Variants in OXSR1 observed in about 807,000 individuals in gnomAD.
The protein encoded by OXSR1 is oxidative stress responsive kinase 1, also known as serine/threonine-protein kinase OSR1.
A neutral mutation model predicts 79.8 loss-of-function variants in OXSR1; 24 were observed. The observed-to-expected ratio is 0.30, with a 90% CI of 0.22 to 0.42. The LOEUF (loss-of-function observed/expected upper bound fraction) is 0.42. Among genes scored for constraint, OXSR1 ranks in the 10% least tolerant of loss-of-function variants. The pLI is 1.00. For missense variants in OXSR1, 430 were observed against 618.4 expected (o/e 0.70, Z 3.23); for synonymous variants, 226 against 209.2 (o/e 1.08, Z -0.69).
At chr3:38,242,158 T>C (rs111721591) in intron 11 of OXSR1, among the ~76,000 whole-genome samples, 6 of 152,182 alleles carry the variant, frequency 3.9e-5, no homozygotes, top group African/African-American at 1.4e-4. Context: ...ACCTCAAGTA[T>C]CAGTTTATTT....
Position 38,252,984 on chromosome 3 carries a change from C to G in OXSR1, c.*93C>G, listed in dbSNP as rs911536924. 24 of 936,076 alleles carry G rather than the reference C, an allele frequency of 2.6e-5. No individual in the cohort carries two copies. The East Asian group carries it at 3.9e-4, about 15-fold the overall frequency. 58.0% of individuals were successfully genotyped at this position (936,076 alleles called of 1,614,324 possible). A position where few individuals can be genotyped will look rare whatever the true frequency, so the allele number is the denominator to read the frequency against. ...CTAAACCCACTACTGCCAAAGAACCCAGCAACAAACCTCCCGGCTAGGAGC... is the reference window on the plus strand; with the variant it reads ...CTAAACCCACTACTGCCAAAGAACCGAGCAACAAACCTCCCGGCTAGGAGC... On this transcript the variant is annotated 3_prime_UTR_variant, in exon 18 of 18. Transcript: ENST00000311806.
intron 1 of OXSR1, among the ~76,000 whole-genome samples, chr3:38,172,159 A>G (rs1173452912): frequency 6.6e-6 from 1 of 152,232 alleles, no homozygotes; most frequent in Non-Finnish European, 1.5e-5. Flanking sequence ...GAAATATGAA[A>G]TACTATGTGA....
chr3:38,194,089 A>G (rs1002736160), intron 3 of OXSR1, among the ~76,000 whole-genome samples: 2 of 152,200 alleles, frequency 1.3e-5, no homozygotes, highest in East Asian at 3.8e-4. Context: ...CATTCATCAA[A>G]TACTTATTGA....
chr3:38,198,170 T>C (rs1181337454), intron 3 of OXSR1, among the ~76,000 whole-genome samples: 1 of 152,244 alleles, frequency 6.6e-6, no homozygotes, highest in Non-Finnish European at 1.5e-5. Flanking sequence ...TAAAAAGAAC[T>C]GTTATTTTTA....
At chr3:38,252,738 C>G (rs1703283870) in intron 17 of OXSR1, 79 bp from the exon 18 acceptor site, 2 of 1,137,692 alleles carry the variant, frequency 1.8e-6, no homozygotes, top group Non-Finnish European at 2.7e-6. Flanking sequence ...TACCTTCCCA[C>G]TATCCCATGT....
chr3:38,214,171 CTT>C (rs749047070), intron 4 of OXSR1, among the ~76,000 whole-genome samples: 5 of 139,182 alleles, frequency 3.6e-5, no homozygotes, highest in Non-Finnish European at 6.3e-5. Context: ...TTATACACTA[CTT>C]TTTTTTTTTT....
Position 38,165,820 on chromosome 3 carries a change from G to T in OXSR1, c.-57G>T. 2.1e-6 allele frequency: 3 copies of T among 1,446,462 alleles called. No individual in the cohort carries two copies. Among genetic ancestry groups the T allele is most frequent in the Non-Finnish European group, 2.9e-6 (3 of 1,045,284 alleles). 89.6% of individuals were successfully genotyped at this position (1,446,462 alleles called of 1,614,324 possible). Reference sequence around the variant, plus strand: ...TGTTGGGGGTGGGGAGACGCGCGGCGAGGAGACGAGCGAGGTCAGCGAGTT... The same window carrying T: ...TGTTGGGGGTGGGGAGACGCGCGGCTAGGAGACGAGCGAGGTCAGCGAGTT... On this transcript the variant is annotated 5_prime_UTR_variant, in exon 1 of 18. Coordinates refer to ENST00000311806, the MANE Select transcript of OXSR1 (RefSeq NM_005109.3).
intron 1 of OXSR1, among the ~76,000 whole-genome samples, chr3:38,178,312 G>T (rs1224169968): frequency 6.6e-6 from 1 of 152,072 alleles, no homozygotes; most frequent in Non-Finnish European, 1.5e-5. Context: ...TGTTGGTGTT[G>T]TATGTATGGT....
chr3:38,247,650 C>T lies in OXSR1; in HGVS notation c.1258-18C>T. On this transcript the variant is annotated intron_variant, in intron 13 of 17. Transcript: ENST00000311806. ...TAATGTTTCAGGCAATGACTGTATACCTTTCAATGCTTTTTAGGCTTTGTC... is the reference window on the plus strand; with the variant it reads ...TAATGTTTCAGGCAATGACTGTATATCTTTCAATGCTTTTTAGGCTTTGTC... The T allele has an allele frequency of 6.3e-7, 1 of 1,593,826 alleles. No homozygotes were observed. Among genetic ancestry groups the T allele is most frequent in the South Asian group, 1.1e-5 (1 of 90,606 alleles).
At chr3:38,184,705 C>G (rs527811787) in intron 2 of OXSR1, among the ~76,000 whole-genome samples, 2 of 152,092 alleles carry the variant, frequency 1.3e-5, no homozygotes, top group African/African-American at 4.8e-5. Flanking sequence ...GTGCTAGGTA[C>G]TTCAGTGTAC....
rs766115950 is a variant in OXSR1 at position 38,252,792 on chromosome 3, G to C, written c.1510-25G>C. The C allele has an allele frequency of 2.5e-6, 4 of 1,581,106 alleles. No homozygotes were observed. The East Asian group carries it at 8.9e-5, about 35-fold the overall frequency. ...GCAAGTTTGTTTATAAATAATCACA[G>C]TTTCTCATTTTGTTTGGTTCTTAGG... is the stretch of plus-strand genomic sequence containing the variant. On this transcript the variant is annotated intron_variant, in intron 17 of 17. Coordinates refer to ENST00000311806, the MANE Select transcript of OXSR1 (RefSeq NM_005109.3).
intron 4 of OXSR1, among the ~76,000 whole-genome samples, chr3:38,199,201 A>T (rs764010156): frequency 3.3e-5 from 5 of 152,012 alleles, no homozygotes; most frequent in Non-Finnish European, 7.4e-5. Context: ...ATTTTACATT[A>T]TATTTTCAGT....
chr3:38,184,817 C>G (rs1011689439), intron 2 of OXSR1, among the ~76,000 whole-genome samples: 2 of 131,976 alleles, frequency 1.5e-5, no homozygotes, highest in African/African-American at 2.8e-5. Flanking sequence ...AAAATCAGGT[C>G]TTTCTGACTT....
At chr3:38,188,539 C>G (rs1701925542) in intron 2 of OXSR1, among the ~76,000 whole-genome samples, 1 of 152,176 alleles carries the variant, frequency 6.6e-6, no homozygotes, top group Non-Finnish European at 1.5e-5. Flanking sequence ...GTGGCAACAG[C>G]TTAAACAGAA....
At chr3:38,190,884 A>G (rs775797153) in intron 3 of OXSR1, 45 bp downstream of exon 3, 1 of 1,020,230 alleles carries the variant, frequency 9.8e-7, no homozygotes, top group East Asian at 2.4e-5. Context: ...TGGTTTGAAA[A>G]GTTAGTAAAA....
chr3:38,169,752 T>C (rs1197752183), intron 1 of OXSR1, among the ~76,000 whole-genome samples: 1 of 152,126 alleles, frequency 6.6e-6, no homozygotes, highest in East Asian at 1.9e-4. Context: ...TCTTTCTTTT[T>C]TTTTGAGACA....
At chr3:38,250,708 G>A (rs1428739240) in intron 15 of OXSR1, among the ~76,000 whole-genome samples, 1 of 152,174 alleles carries the variant, frequency 6.6e-6, no homozygotes, top group African/African-American at 2.4e-5. Context: ...AAAGATGCAG[G>A]TGTACAGAGG....
intron 5 of OXSR1, among the ~76,000 whole-genome samples, chr3:38,219,777 TAAG>T (rs1702551132): frequency 9.9e-6 from 1 of 100,512 alleles, no homozygotes; most frequent in South Asian, 3.8e-4. Flanking sequence ...TGAAAACTGT[TAAG>T]ATGATGATGA....
chr3:38,187,908 G>A (rs1213466990), intron 2 of OXSR1, among the ~76,000 whole-genome samples: 1 of 152,110 alleles, frequency 6.6e-6, no homozygotes, highest in Non-Finnish European at 1.5e-5. Flanking sequence ...CACTTTATAG[G>A]TGGTTGAGGA....
Sources: allele counts gnomAD v4.1 joint callset (sites outside exome capture counted in the v4.1 genomes callset), GRCh38; gene constraint gnomAD v4.1.1; transcripts MANE v1.5; gene names NCBI Gene and HGNC (gene_info 2026-07-23, HGNC 2026-07-21).